The following ZNF273 variants were observed in gnomAD, a reference collection of about 807,000 sequenced individuals.
The protein encoded by ZNF273 is zinc finger protein 273, also known as zinc finger protein 9.
ZNF273 carries 11 observed loss-of-function variants against 14.9 expected under a neutral mutation model. The ratio of observed to expected loss-of-function variants is 0.74; its 90% CI spans 0.46 to 1.22. The LOEUF (loss-of-function observed/expected upper bound fraction) is 1.22. Ranked by LOEUF, ZNF273 falls within the 50% of genes most tolerant of loss-of-function variation. The pLI, the probability that ZNF273 is intolerant of heterozygous loss-of-function variation, is 0.00. For synonymous variants in ZNF273, 199 were observed against 223.9 expected (o/e 0.89, Z 0.99); for missense variants, 577 against 660.6 (o/e 0.87, Z 1.39).
chr7:64,918,269 A>G lies in ZNF273; in HGVS notation c.302A>G (p.His101Arg), dbSNP rs1389434203. Reference protein sequence around the residue: ...QGKEPCNMKRHAMVAKPPVVC... With the variant: ...QGKEPCNMKRRAMVAKPPVVC... ...AAAGAGCCCTGCAATATGAAGAGAC[A>G]TGCGATGGTAGCCAAACCCCCAGGT... Residue 101 changes from histidine to arginine, a missense_variant, in exon 3 of 4, where the codon CAT becomes CGT. This residue lies in a region of ZNF273 where 162 missense variants were observed against 203.5 expected (regional missense o/e 0.80). Transcript: ENST00000476120. The G allele has an allele frequency of 2.6e-6, 4 of 1,566,212 alleles. No homozygotes were observed. In the African/African-American group the frequency reaches 5.4e-5, roughly 21 times the overall value.
intron 1 of ZNF273, among the ~76,000 whole-genome samples, chr7:64,885,960 T>C (rs771823253): frequency 1.3e-5 from 2 of 152,214 alleles, no homozygotes; most frequent in Admixed American, 1.3e-4. Context: ...CACTCTGGCT[T>C]ACCACTGAGC....
chr7:64,918,469 T>A (rs980397659), intron 3 of ZNF273, among the ~76,000 whole-genome samples, 177 bp downstream of exon 3: 4 of 152,104 alleles, frequency 2.6e-5, no homozygotes, highest in African/African-American at 9.7e-5. Flanking sequence ...CAGAGCATCC[T>A]GACCAACATG....
At chr7:64,888,206 T>G (rs1369040677) in intron 1 of ZNF273, 1 of 765,248 alleles carries the variant, frequency 1.3e-6, no homozygotes, top group Non-Finnish European at 1.6e-6. Flanking sequence ...CCCTGAAGCC[T>G]GGCTGCTGCT....
chr7:64,881,228 G>A (rs1232002753), downstream of ZNF273, among the ~76,000 whole-genome samples: 1 of 152,208 alleles, frequency 6.6e-6, no homozygotes, highest in Admixed American at 6.5e-5. Context: ...CCACAGGGGA[G>A]TGGGATGGAC....
intron 3 of ZNF273, among the ~76,000 whole-genome samples, chr7:64,919,655 A>G (rs1794287586): frequency 6.6e-6 from 1 of 152,182 alleles, no homozygotes; most frequent in South Asian, 2.1e-4. Flanking sequence ...CTGCTTGGTT[A>G]AATTTCTTCT....
At chr7:64,884,118 T>C (rs975584790), downstream of ZNF273, among the ~76,000 whole-genome samples, 156 of 152,312 alleles carry the variant, frequency 1.0e-3, no homozygotes, top group African/African-American at 3.3e-3. Context: ...GTGGATTTCG[T>C]TGGTCTTTGG....
At chr7:64,912,826 G>GTTTTTTGTTGTTTT in intron 1 of ZNF273, among the ~76,000 whole-genome samples, 6 of 36,576 alleles carry the variant, frequency 1.6e-4, no homozygotes, top group African/African-American at 3.3e-4. Flanking sequence ...ATTCATTTTA[G>GTTTTTTGTTGTTTT]TTTTTTTTTT....
At chr7:64,903,224 C>T, upstream of ZNF273, 1 of 1,029,254 alleles carries the variant, frequency 9.7e-7, no homozygotes, top group Non-Finnish European at 1.5e-6. Flanking sequence ...TCCAATCAGG[C>T]ACGCAGCTGG....
rs371233746 is a variant in ZNF273 at position 64,925,774 on chromosome 7, A to G, written c.326-1880A>G. ...TTTTTCCTCATTACATCTGCCCTCA[A>G]CCTTGTTATTGATGGTGCTAATTAT... On this transcript the variant is annotated intron_variant, in intron 3 of 3. Transcript: ENST00000476120. 3.3e-5 allele frequency among the ~76,000 whole-genome samples: 5 copies of G among 152,128 alleles called. No homozygotes were observed. In the South Asian group the frequency reaches 1.0e-3, roughly 32 times the overall value.
downstream of ZNF273, chr7:64,888,949 C>T (rs549859351): frequency 1.8e-3 from 1,788 of 976,774 alleles, 4 homozygotes; most frequent in Non-Finnish European, 2.0e-3. Flanking sequence ...CCCAGGGTGT[C>T]CAGCCCCTGT....
chr7:64,929,008 TAAAAG>T lies in ZNF273; in HGVS notation c.1684_1688del (p.Arg562SerfsTer4), dbSNP rs1794908293. On this transcript the variant is annotated frameshift_variant, in exon 4 of 4. Transcript: ENST00000476120. LOFTEE classifies it high-confidence loss of function. ...ACAACACCCCAAACTTTTCTAGACA[TAAAAG>T]AAATCATATGGGTGAGAAATCCTAG... The T allele has an allele frequency of 3.2e-6, 5 of 1,559,106 alleles. No homozygotes were observed. Among genetic ancestry groups the T allele is most frequent in the Admixed American group, 2.0e-5 (1 of 49,794 alleles).
At chr7:64,896,309 G>C (rs1792357768) in intron 3 of ZNF273, among the ~76,000 whole-genome samples, 1 of 151,992 alleles carries the variant, frequency 6.6e-6, no homozygotes, top group Non-Finnish European at 1.5e-5. Flanking sequence ...AATATATTTG[G>C]TTCCGCAAAT....
chr7:64,931,672 A>G (rs978247013), downstream of ZNF273, among the ~76,000 whole-genome samples: 5 of 152,108 alleles, frequency 3.3e-5, no homozygotes, highest in African/African-American at 1.2e-4. Context: ...TGTTCAGGTA[A>G]GTACTAGGGA....
At chr7:64,900,118 CTTT>C (rs373187103), upstream of ZNF273, among the ~76,000 whole-genome samples, 2 of 143,808 alleles carry the variant, frequency 1.4e-5, no homozygotes, top group Non-Finnish European at 3.1e-5. Context: ...TTTTCTCTCT[CTTT>C]TTTTTTTTTT....
intron 3 of ZNF273, among the ~76,000 whole-genome samples, chr7:64,895,151 T>G (rs1348038631): frequency 6.6e-6 from 1 of 151,932 alleles, no homozygotes; most frequent in Admixed American, 6.6e-5. Flanking sequence ...AAAAAAAAAT[T>G]TGAAGATCTT....
At chr7:64,891,539 A>G (rs1358921605), downstream of ZNF273, among the ~76,000 whole-genome samples, 5 of 152,166 alleles carry the variant, frequency 3.3e-5, no homozygotes, top group Non-Finnish European at 7.3e-5. Flanking sequence ...CAGATTTGCC[A>G]TGTCACCCAG....
At chr7:64,935,211 G>C (rs1243108664), downstream of ZNF273, among the ~76,000 whole-genome samples, 1 of 152,150 alleles carries the variant, frequency 6.6e-6, no homozygotes, top group East Asian at 1.9e-4. Context: ...TATGTCATCT[G>C]TAAACAGGGA....
downstream of ZNF273, chr7:64,879,916 C>A (rs4717222): frequency 0.45 from 68,455 of 152,098 alleles, 15,716 homozygotes; most frequent in Admixed American, 0.51. Context: ...GTACTTGTTG[C>A]AGGCAGCCTA....
chr7:64,933,396 A>C (rs1275417478), downstream of ZNF273: 3 of 152,198 alleles, frequency 2.0e-5, no homozygotes, highest in Non-Finnish European at 2.9e-5. Context: ...GATCAGGGCA[A>C]CTTTTGGATT....
Sources: allele counts gnomAD v4.1 joint callset (sites outside exome capture counted in the v4.1 genomes callset), GRCh38; gene constraint gnomAD v4.1.1; regional missense constraint gnomAD v4.1.1; transcripts MANE v1.5; gene names NCBI Gene and HGNC (gene_info 2026-07-23, HGNC 2026-07-21).